MIPOL1: variants seen among roughly 807,000 people sequenced by gnomAD.
MIPOL1 encodes mirror-image polydactyly gene 1 protein.
MIPOL1 carries 57 observed loss-of-function variants against 60.9 expected under a neutral mutation model. The observed-to-expected ratio is 0.94, with a 90% CI of 0.76 to 1.17. The LOEUF (loss-of-function observed/expected upper bound fraction) is 1.17, where lower values mean the gene tolerates loss of function less well. Ranked by LOEUF, MIPOL1 falls within the 50% of genes most tolerant of loss-of-function variation. The probability of loss-of-function intolerance (pLI) is 0.00; values close to 1 mark genes in which losing one functional copy is unlikely to be tolerated. For missense variants in MIPOL1, 551 were observed against 511.6 expected (o/e 1.08, Z -0.74); for synonymous variants, 179 against 168.8 (o/e 1.06, Z -0.47).
chr14:37,508,063 G>A (rs2095295479), intron 12 of MIPOL1, among the ~76,000 whole-genome samples: 1 of 152,068 alleles, frequency 6.6e-6, no homozygotes, highest in Non-Finnish European at 1.5e-5. Flanking sequence ...ATTTTATTGA[G>A]TTTAAGAGAA....
intron 12 of MIPOL1, among the ~76,000 whole-genome samples, chr14:37,539,269 T>G (rs985514497): frequency 1.3e-5 from 2 of 152,072 alleles, no homozygotes; most frequent in Admixed American, 1.3e-4. Context: ...TTAAATAAAA[T>G]AGAGTTGTTT....
At chr14:37,513,094 A>G (rs2095341617) in intron 12 of MIPOL1, among the ~76,000 whole-genome samples, 1 of 152,088 alleles carries the variant, frequency 6.6e-6, no homozygotes, top group Admixed American at 6.6e-5. Context: ...TGGCTCCTAA[A>G]CAGTCATCAT....
At chr14:37,299,530 A>C (rs1005540) in intron 7 of MIPOL1, among the ~76,000 whole-genome samples, 142,360 of 152,116 alleles carry the variant, frequency 0.94, 67,094 homozygotes, top group East Asian at 1. Context: ...TCATGAGTCT[A>C]TATGATGGGA....
At chr14:37,268,905 C>A in intron 5 of MIPOL1, 112 bp downstream of exon 5, 1 of 892,560 alleles carries the variant, frequency 1.1e-6, no homozygotes, top group Non-Finnish European at 1.6e-6. Flanking sequence ...AATCATTTAA[C>A]AGTAGCTTTA....
chr14:37,418,132 G>A (rs150600588), intron 10 of MIPOL1, among the ~76,000 whole-genome samples: 358 of 152,154 alleles, frequency 2.4e-3, no homozygotes, highest in Non-Finnish European at 4.3e-3. Flanking sequence ...TCCATTCATG[G>A]TCTTGGAGTT....
chr14:37,228,102 A>T (rs1049110469), intron 1 of MIPOL1, among the ~76,000 whole-genome samples: 5 of 152,028 alleles, frequency 3.3e-5, no homozygotes, highest in Non-Finnish European at 7.4e-5. Context: ...TGCTTGGGCT[A>T]TTGCTGTGGA....
intron 3 of MIPOL1, chr14:37,265,190 T>C (rs1239608429): frequency 6.6e-6 from 1 of 152,220 alleles, no homozygotes; most frequent in Non-Finnish European, 1.5e-5. Flanking sequence ...CATCTAACTC[T>C]GGCTATCCTT....
intron 9 of MIPOL1, among the ~76,000 whole-genome samples, chr14:37,356,218 C>T (rs543186676): frequency 4.6e-5 from 7 of 152,038 alleles, no homozygotes; most frequent in East Asian, 1.9e-4. Context: ...TTAGGCTTCT[C>T]GGGGGTCAGG....
Position 37,298,906 on chromosome 14 carries a change from T to C in MIPOL1, c.624-9150T>C, listed in dbSNP as rs1280087324. 2.7e-5 allele frequency among the ~76,000 whole-genome samples: 4 copies of C among 150,020 alleles called. No individual in the cohort carries two copies. In the East Asian group the frequency reaches 5.9e-4, roughly 22 times the overall value. ...ACAGTGTGGCGATTCCTCAGGGATC[T>C]AGAACTAGAAATACCATTTGACCCA... On this transcript the variant is annotated intron_variant, in intron 7 of 12. Transcript: ENST00000684589.
chr14:37,486,999 G>C (rs959340205), intron 11 of MIPOL1, among the ~76,000 whole-genome samples: 1 of 152,112 alleles, frequency 6.6e-6, no homozygotes, highest in Non-Finnish European at 1.5e-5. Context: ...ACTATTTTGA[G>C]ATATGTTCCA....
At chr14:37,318,820 T>TTAG (rs1555393156) in intron 9 of MIPOL1, among the ~76,000 whole-genome samples, 212 of 147,300 alleles carry the variant, frequency 1.4e-3, no homozygotes, top group African/African-American at 4.6e-3. Flanking sequence ...TATTTATTTA[T>TTAG]TTATTTAGTT....
At chr14:37,419,316 C>G (rs2093827482) in intron 10 of MIPOL1, among the ~76,000 whole-genome samples, 1 of 152,198 alleles carries the variant, frequency 6.6e-6, no homozygotes, top group African/African-American at 2.4e-5. Context: ...GGACAAAAAT[C>G]ACATCACTGA....
intron 1 of MIPOL1, among the ~76,000 whole-genome samples, chr14:37,206,149 C>T (rs1290984136): frequency 6.6e-6 from 1 of 152,124 alleles, no homozygotes; most frequent in Non-Finnish European, 1.5e-5. Flanking sequence ...GGCAGCCCCT[C>T]CCATCATAGG....
chr14:37,423,069 G>A (rs2153551726), intron 11 of MIPOL1, 120 bp downstream of exon 11: 1 of 604,214 alleles, frequency 1.7e-6, no homozygotes, highest in Non-Finnish European at 2.9e-6. Flanking sequence ...TGCACTTAAA[G>A]CATTTTTATA....
chr14:37,259,059 A>G (rs1975444018), intron 3 of MIPOL1, among the ~76,000 whole-genome samples: 1 of 152,130 alleles, frequency 6.6e-6, no homozygotes, highest in African/African-American at 2.4e-5. Context: ...AACCATGTGT[A>G]GGAGTATAAA....
chr14:37,456,568 G>A (rs1381295204), intron 11 of MIPOL1, among the ~76,000 whole-genome samples: 2 of 151,932 alleles, frequency 1.3e-5, no homozygotes, highest in African/African-American at 2.4e-5. Flanking sequence ...CCCAAGCCAG[G>A]TAAATATGGA....
intron 1 of MIPOL1, among the ~76,000 whole-genome samples, chr14:37,210,718 GA>G (rs1371308715): frequency 6.6e-6 from 1 of 152,102 alleles, no homozygotes; most frequent in East Asian, 1.9e-4. Flanking sequence ...GAGCAATAGG[GA>G]AAGTCACAAA....
At chr14:37,238,170 A>G (rs1971780537) in intron 1 of MIPOL1, among the ~76,000 whole-genome samples, 1 of 152,140 alleles carries the variant, frequency 6.6e-6, no homozygotes, top group Non-Finnish European at 1.5e-5. Context: ...CAAGAAAGTA[A>G]ATGCTGTATA....
At chr14:37,459,422 TG>T (rs1371815137) in intron 11 of MIPOL1, among the ~76,000 whole-genome samples, 1 of 151,988 alleles carries the variant, frequency 6.6e-6, no homozygotes, top group African/African-American at 2.4e-5. Context: ...CTAGAGGAAA[TG>T]GATATATTCC....
Sources: allele counts gnomAD v4.1 joint callset (sites outside exome capture counted in the v4.1 genomes callset), GRCh38; gene constraint gnomAD v4.1.1; transcripts MANE v1.5; gene names NCBI Gene and HGNC (gene_info 2026-07-23, HGNC 2026-07-21).